The following LRRC8E variants were observed in gnomAD, a reference collection of about 807,000 sequenced individuals.
LRRC8E encodes leucine rich repeat containing 8 VRAC subunit E.
Under a neutral mutation model 6.1 loss-of-function variants are expected in LRRC8E, and 6 were observed. The observed-to-expected ratio is 0.98, with a 90% CI of 0.54 to 1.93. The LOEUF is 1.93. Among genes scored for constraint, LRRC8E ranks in the 30% most tolerant of loss-of-function variants. LRRC8E has a pLI of 0.01. For missense variants in LRRC8E, 1,028 were observed against 1,031.4 expected, an observed-to-expected ratio of 1.00 and a Z score of 0.04; for synonymous variants, 485 against 472.8, an observed-to-expected ratio of 1.03 and a Z score of -0.33.
rs117504299 is a variant in LRRC8E, at chr19:7,895,125, G to A, written c.-5-474G>A. On this transcript the variant is annotated intron_variant, in intron 1 of 2. Coordinates refer to ENST00000306708, the MANE Select transcript of LRRC8E (RefSeq NM_025061.6). The surrounding 1 kb of genome is among the most constrained non-coding windows in gnomAD (Gnocchi z 4.7). ...GAGGGGGTGGAGGGGCCTACGCCCC[G>A]GAAGTCCTGAGCCTTGGAACGCTTT... The A allele has an allele frequency of 1.5e-3, 236 of 154,914 alleles. 4 individuals are homozygous for A. The East Asian group carries it at 0.037, about 24-fold the overall frequency. 9.6% of individuals were successfully genotyped at this position (154,914 alleles called of 1,614,324 possible).
chr19:7,899,565 G>A lies in LRRC8E; in HGVS notation c.1043G>A (p.Arg348Gln), dbSNP rs1026848435. The A allele has an allele frequency of 4.3e-6, 7 of 1,613,744 alleles. No individual in the cohort carries two copies. The highest frequency in any genetic ancestry group is 2.7e-5 in the African/African-American group (2 of 74,922). The change falls in exon 3 of 3, where the codon CGG (arginine) becomes CAG (glutamine). Residue 348 changes from arginine to glutamine, a missense_variant. Coordinates refer to ENST00000306708, the MANE Select transcript of LRRC8E (RefSeq NM_025061.6). ...PLKEYSFRSVREETGMGDIPD... is the reference protein window; with the variant it reads ...PLKEYSFRSVQEETGMGDIPD... ...AAGGAGTACTCCTTCCGTTCCGTGC[G>A]GGAGGAGACTGGCATGGGGGACATT...
chr19:7,895,601 A>G lies in LRRC8E; in HGVS notation c.-3A>G. ...CCCCGTCTCGTCCCGTCCCACAGGC[A>G]GCATGATCCCAGTGGCCGAGTTCAA... On this transcript the variant is annotated splice_region_variant and 5_prime_UTR_variant, in exon 2 of 3. Transcript: ENST00000306708. The surrounding 1 kb of genome is among the most constrained non-coding windows in gnomAD (Gnocchi z 4.7). 1 of 1,612,168 alleles carries G rather than the reference A, an allele frequency of 6.2e-7. No individual in the cohort carries two copies. Among genetic ancestry groups the G allele is most frequent in the African/African-American group, 1.3e-5 (1 of 75,008 alleles).
Position 7,899,318 on chromosome 19 carries a change from T to C in LRRC8E, c.796T>C (p.Phe266Leu), listed in dbSNP as rs1981804586. 2.5e-6 allele frequency: 4 copies of C among 1,614,166 alleles called. No homozygotes were observed. Among genetic ancestry groups the C allele is most frequent in the Non-Finnish European group, 3.4e-6 (4 of 1,180,036 alleles). The change falls in exon 3 of 3, where the codon TTC becomes CTC. Residue 266 changes from phenylalanine to leucine, a missense_variant. By Grantham distance (22) the Phe-to-Leu change is conservative (BLOSUM62 0). Coordinates refer to ENST00000306708, the MANE Select transcript of LRRC8E (RefSeq NM_025061.6). ...ACAGACGGTGCTGAAAGTGTGTAAGTTCCTGGCCATCCTGGTCTACAACCT... is the reference window on the plus strand; with the variant it reads ...ACAGACGGTGCTGAAAGTGTGTAAGCTCCTGGCCATCCTGGTCTACAACCT... The part of the protein sequence containing the change: ...IRQTVLKVCK[F>L]LAILVYNLVY...
chr19:7,892,076 T>C (rs1014046137), intron 1 of LRRC8E, among the ~76,000 whole-genome samples: 1 of 138,134 alleles, frequency 7.2e-6, no homozygotes, highest in Non-Finnish European at 1.6e-5. Context: ...GATTTTAGAT[T>C]TTTTTTTTTT....
rs1981784655 is a variant in LRRC8E at position 7,899,128 on chromosome 19, G to A, written c.606G>A (p.Glu202=). The part of the protein sequence containing the change: ...GTGPGKAGEG[E]KEKVLAEPEK... ...GGCCGGGGAAGGCAGGGGAGGGTGA[G>A]AAGGAGAAAGTGCTGGCGGAACCGG... Residue 202 remains glutamate, a synonymous_variant, in exon 3 of 3, where the codon GAG becomes GAA. Coordinates refer to ENST00000306708, the MANE Select transcript of LRRC8E (RefSeq NM_025061.6). 1.2e-6 allele frequency: 2 copies of A among 1,613,318 alleles called. No homozygotes were observed. Among genetic ancestry groups the A allele is most frequent in the Non-Finnish European group, 1.7e-6 (2 of 1,179,416 alleles).
At chr19:7,894,870 C>T (rs1007709474) in intron 1 of LRRC8E, among the ~76,000 whole-genome samples, 4 of 152,246 alleles carry the variant, frequency 2.6e-5, no homozygotes, top group Admixed American at 1.3e-4. Flanking sequence ...CCTTCCTCCT[C>T]GGACATCCGG....
intron 1 of LRRC8E, among the ~76,000 whole-genome samples, chr19:7,894,390 ATT>A (rs1169547037): frequency 5.9e-5 from 9 of 152,002 alleles, no homozygotes; most frequent in Non-Finnish European, 1.3e-4. Flanking sequence ...CACCTGGTTA[ATT>A]TTTTGTGTAT....
Position 7,900,022 on chromosome 19 carries a change from G to C in LRRC8E, c.1500G>C (p.Pro500=). 6.2e-7 allele frequency: 1 copy of C among 1,609,988 alleles called. No individual in the cohort carries two copies. The highest frequency in any genetic ancestry group is 8.5e-7 in the Non-Finnish European group (1 of 1,179,288). ...RVKCEELREV[P]LWVFGLRGLE... ...AATGCGAGGAGCTCCGCGAGGTGCC[G>C]CTTTGGGTGTTTGGGCTGCGGGGCT... The change falls in exon 3 of 3, where the codon CCG becomes CCC. Residue 500 remains proline (P), a synonymous_variant. Transcript: ENST00000306708. This position sits in a 1 kb window ranked among gnomAD's most constrained non-coding sequence, Gnocchi z 5.0.
At chr19:7,892,816 T>G (rs978012514) in intron 1 of LRRC8E, among the ~76,000 whole-genome samples, 1 of 152,122 alleles carries the variant, frequency 6.6e-6, no homozygotes, top group African/African-American at 2.4e-5. Context: ...GTAGTCGGGT[T>G]TCTTTTCTCT....
chr19:7,899,135 A>T lies in LRRC8E; in HGVS notation c.613A>T (p.Lys205Ter). ...GAAGGCAGGGGAGGGTGAGAAGGAGAAAGTGCTGGCGGAACCGGAGAAGGT... is the reference window on the plus strand; with the variant it reads ...GAAGGCAGGGGAGGGTGAGAAGGAGTAAGTGCTGGCGGAACCGGAGAAGGT... ...PGKAGEGEKE[K>*]VLAEPEKVVT... Residue 205 changes from lysine to a stop codon, truncating the protein, a stop_gained, in exon 3 of 3, where the codon AAA (lysine) becomes TAA (stop). Transcript: ENST00000306708. LOFTEE classifies it low-confidence loss of function (END_TRUNC). 1 of 1,613,580 alleles carries T rather than the reference A, an allele frequency of 6.2e-7. No individual in the cohort carries two copies.
intron 1 of LRRC8E, chr19:7,893,940 G>A (rs1410361122): frequency 6.6e-6 from 1 of 152,340 alleles, no homozygotes; most frequent in Admixed American, 6.6e-5. Context: ...GGCCTCTGAG[G>A]GGGTAAAAGG....
chr19:7,894,466 A>G (rs1346935139), intron 1 of LRRC8E, among the ~76,000 whole-genome samples: 1 of 152,176 alleles, frequency 6.6e-6, no homozygotes, highest in African/African-American at 2.4e-5. Context: ...ACCTCAAGTG[A>G]TCCACCTGCC....
chr19:7,898,518 C>A, intron 2 of LRRC8E, 143 bp from the exon 3 acceptor site: 1 of 710,624 alleles, frequency 1.4e-6, no homozygotes, highest in Non-Finnish European at 2.4e-6. Context: ...CACCACCATG[C>A]CCGGCTAATT....
intron 2 of LRRC8E, among the ~76,000 whole-genome samples, chr19:7,898,413 A>G (rs1357449059): frequency 6.6e-6 from 1 of 151,910 alleles, no homozygotes; most frequent in East Asian, 1.9e-4. Flanking sequence ...AGGCTGGAGT[A>G]CAATGGCGCG....
In LRRC8E at chr19:7,898,939, C is replaced by T. The variant is rs1401504552; in HGVS notation, c.417C>T (p.Phe139=). The T allele has an allele frequency of 1.2e-6, 2 of 1,614,078 alleles. No homozygotes were observed. The highest frequency in any genetic ancestry group is 1.7e-6 in the Non-Finnish European group (2 of 1,180,044). ...FMVCTSFWFK[F]PGTSSKIEHF... Reference sequence around the variant, plus strand: ...TCTGCACCAGTTTCTGGTTCAAGTTCCCTGGCACCAGCTCCAAGATTGAAC... The same window carrying T: ...TCTGCACCAGTTTCTGGTTCAAGTTTCCTGGCACCAGCTCCAAGATTGAAC... Residue 139 remains phenylalanine (F), a synonymous_variant, in exon 3 of 3, where the codon TTC becomes TTT. Coordinates refer to ENST00000306708, the MANE Select transcript of LRRC8E (RefSeq NM_025061.6).
rs146412530 is a variant in LRRC8E at position 7,893,222 on chromosome 19, G to T, written c.-5-2377G>T. Among the ~76,000 whole-genome samples, 550 of 152,238 alleles carry T rather than the reference G, an allele frequency of 3.6e-3. 1 individual carries two copies. Among genetic ancestry groups the T allele is most frequent in the African/African-American group, 0.013 (542 of 41,552 alleles). ...GGGGTTTCATCACGTTGGCCAGGCT[G>T]GTCCCTAACTCCTGACCTTGTGATT... On this transcript the variant is annotated intron_variant, in intron 1 of 2. Transcript: ENST00000306708.
At position 7,898,561 on chromosome 19, in the gene LRRC8E, G is replaced by T. The variant is rs557863101; in HGVS notation, c.139-100G>T. ...TTTAGTAGAGACAGGGTTTCACCAC[G>T]TTGGCCAGGCTGGTCTCGAACTCCT... On this transcript the variant is annotated intron_variant, in intron 2 of 2. Coordinates refer to ENST00000306708, the MANE Select transcript of LRRC8E (RefSeq NM_025061.6). 2.0e-5 allele frequency: 21 copies of T among 1,037,608 alleles called. No homozygotes were observed. The South Asian group carries it at 3.0e-4, about 15-fold the overall frequency. The allele number at this position is 1,037,608 out of a possible 1,614,324, so 64.3% of individuals were successfully genotyped here. A position where few individuals can be genotyped will look rare whatever the true frequency, so the allele number is the denominator to read the frequency against.
intron 2 of LRRC8E, among the ~76,000 whole-genome samples, chr19:7,896,176 G>A (rs1206214754): frequency 1.3e-5 from 2 of 151,054 alleles, no homozygotes; most frequent in Non-Finnish European, 1.5e-5. Context: ...CTGACCTCAA[G>A]TGACCTGCCT....
At chr19:7,896,245 T>G (rs1263649185) in intron 2 of LRRC8E, among the ~76,000 whole-genome samples, 2 of 147,976 alleles carry the variant, frequency 1.4e-5, no homozygotes, top group Non-Finnish European at 3.0e-5. Flanking sequence ...TGACCCTTTC[T>G]TTTTTTTTCT....
Sources: gnomAD v4.1 joint callset for allele counts (sites outside exome capture counted in the v4.1 genomes callset) on GRCh38, gnomAD v4.1.1 for gene constraint, Gnocchi (gnomAD v3.1) non-coding constraint, MANE v1.5 for transcripts, NCBI Gene and HGNC (gene_info 2026-07-23, HGNC 2026-07-21) for gene names.